Variants in ACBD3 observed in about 807,000 individuals in gnomAD.
ACBD3 encodes Golgi resident protein GCP60.
ACBD3 carries 30 observed loss-of-function variants against 66.9 expected under a neutral mutation model. That is an observed-to-expected ratio of 0.45 (90% CI 0.34 to 0.61). The LOEUF (loss-of-function observed/expected upper bound fraction) is 0.61. ACBD3 is among the 20% of genes least tolerant of loss of function. ACBD3 has a pLI of 0.02. For missense variants in ACBD3, 544 were observed against 664.5 expected (o/e 0.82, Z 1.99); for synonymous variants, 278 against 259.8 (o/e 1.07, Z -0.68).
At chr1:226,170,333 AT>A (rs71574563) in intron 1 of ACBD3, among the ~76,000 whole-genome samples, 73 of 109,802 alleles carry the variant, frequency 6.6e-4, no homozygotes, top group Admixed American at 1.9e-3. Flanking sequence ...AATTTTTTGA[AT>A]TTTTTTTTTT....
intron 1 of ACBD3, among the ~76,000 whole-genome samples, chr1:226,168,533 C>G (rs889262535): frequency 6.6e-6 from 1 of 152,192 alleles, no homozygotes; most frequent in African/African-American, 2.4e-5. Flanking sequence ...CAGTCATGCT[C>G]TGCATAATGG....
At chr1:226,150,152 GGA>G (rs1659542199) in intron 7 of ACBD3, among the ~76,000 whole-genome samples, 1 of 150,030 alleles carries the variant, frequency 6.7e-6, no homozygotes, top group Admixed American at 6.7e-5. Flanking sequence ...TCGAATTCCT[GGA>G]CTCAAGCAAT....
At chr1:226,171,748 G>A (rs1268067684) in intron 1 of ACBD3, among the ~76,000 whole-genome samples, 1 of 151,302 alleles carries the variant, frequency 6.6e-6, no homozygotes, top group East Asian at 2.0e-4. Flanking sequence ...ATGTTGGGTT[G>A]GCCAGGCTGG....
At position 226,186,459 on chromosome 1, in the gene ACBD3, GCGCCTCCTCCGCCGCGCCCCCAGCCGC is replaced by G. The variant is rs1656313325; in HGVS notation, c.190_216del (p.Ala64_Ala72del). On this transcript the variant is annotated inframe_deletion, in exon 1 of 8. Transcript: ENST00000366812. ...AAACCCCAGCGCTGCTCCAGCCGCC[GCGCCTCCTCCGCCGCGCCCCCAGCCGC>G]CGCCTCCCCGGGCTCGGGCTGCTCC... is the stretch of plus-strand genomic sequence containing the variant. The G allele has an allele frequency of 1.3e-6, 2 of 1,504,562 alleles. No homozygotes were observed. The highest frequency in any genetic ancestry group is 1.8e-6 in the Non-Finnish European group (2 of 1,129,424). 93.2% of individuals were successfully genotyped at this position (1,504,562 alleles called of 1,614,324 possible).
intron 1 of ACBD3, among the ~76,000 whole-genome samples, chr1:226,173,752 C>CTTTTTTTTTTTT (rs1655923703): frequency 1.8e-5 from 2 of 112,976 alleles, no homozygotes; most frequent in African/African-American, 7.2e-5. Context: ...CTTTTTTTTT[C>CTTTTTTTTTTTT]TTTTCTTTTT....
At chr1:226,154,182 G>A (rs528102185) in intron 6 of ACBD3, among the ~76,000 whole-genome samples, 1 of 152,174 alleles carries the variant, frequency 6.6e-6, no homozygotes, top group East Asian at 1.9e-4. Flanking sequence ...AATGTTTATT[G>A]TTATTTCAAG....
rs140236532 is a variant in ACBD3, at chr1:226,162,620, G to A, written c.570-931C>T. Among the ~76,000 whole-genome samples the A allele has an allele frequency of 7.1e-3, 1,081 of 152,160 alleles. 10 individuals carry two copies. Among genetic ancestry groups the A allele is most frequent in the Non-Finnish European group, 0.011 (758 of 68,006 alleles). On this transcript the variant is annotated intron_variant, in intron 3 of 7. Coordinates refer to ENST00000366812, the MANE Select transcript of ACBD3 (RefSeq NM_022735.4). ...GTCTGAGAGTGGTATGGTGTTCAGG[G>A]AGCCTGCAGACAGGATGAAAGGGAA...
At chr1:226,169,377 A>G (rs1558128712) in intron 1 of ACBD3, among the ~76,000 whole-genome samples, 1 of 151,850 alleles carries the variant, frequency 6.6e-6, no homozygotes, top group African/African-American at 2.4e-5. Flanking sequence ...CCTCCCGAGT[A>G]GCTGGGACTA....
chr1:226,150,419 C>T (rs1360382637), intron 7 of ACBD3, among the ~76,000 whole-genome samples: 3 of 152,110 alleles, frequency 2.0e-5, no homozygotes, highest in Admixed American at 2.0e-4. Context: ...CGCTCTGTTG[C>T]CCAGGCTGGA....
chr1:226,170,073 A>G (rs563342253), intron 1 of ACBD3, among the ~76,000 whole-genome samples: 73 of 149,538 alleles, frequency 4.9e-4, no homozygotes, highest in Non-Finnish European at 9.3e-4. Context: ...TCTTGAGCCT[A>G]TAAAAGAACA....
At chr1:226,181,899 G>A (rs1656177909) in intron 1 of ACBD3, among the ~76,000 whole-genome samples, 1 of 152,122 alleles carries the variant, frequency 6.6e-6, no homozygotes, top group South Asian at 2.1e-4. Context: ...TTAACCCATG[G>A]AGATAAGAAA....
intron 1 of ACBD3, among the ~76,000 whole-genome samples, chr1:226,168,932 G>A (rs746195662): frequency 6.6e-6 from 1 of 151,888 alleles, no homozygotes; most frequent in Non-Finnish European, 1.5e-5. Context: ...GCACAATCTC[G>A]ACTCACTGCA....
chr1:226,149,276 G>A (rs969035563), intron 7 of ACBD3, among the ~76,000 whole-genome samples: 1 of 151,420 alleles, frequency 6.6e-6, no homozygotes, highest in Non-Finnish European at 1.5e-5. Context: ...GCCCAGGCTG[G>A]AGTGCAATGG....
rs1659840597 is a variant in ACBD3, at chr1:226,164,774, GC to G, written c.569+14del. The G allele has an allele frequency of 6.2e-7, 1 of 1,605,490 alleles. No individual in the cohort carries two copies. Among genetic ancestry groups the G allele is most frequent in the Non-Finnish European group, 8.5e-7 (1 of 1,176,194 alleles). On this transcript the variant is annotated intron_variant, in intron 3 of 7. Transcript: ENST00000366812. Reference sequence around the variant, plus strand: ...GCTGCGCAGCAATAAAGTATTCCATGCCCTCAAACTTCACCTTTTTTTTTCT... The same window carrying G: ...GCTGCGCAGCAATAAAGTATTCCATGCCTCAAACTTCACCTTTTTTTTTCT...
intron 5 of ACBD3, 29 bp from the exon 6 acceptor site, chr1:226,154,862 C>A: frequency 6.4e-7 from 1 of 1,574,796 alleles, no homozygotes. Context: ...TGAAGACACA[C>A]TGACCAGGAA....
intron 7 of ACBD3, 91 bp from the exon 8 acceptor site, chr1:226,146,912 GAC>G (rs1160840310): frequency 1.6e-6 from 2 of 1,284,718 alleles, no homozygotes; most frequent in Admixed American, 1.8e-5. Context: ...TTTTTCTGGA[GAC>G]AGAGTCTTGC....
rs1360012349 is a variant in ACBD3, at chr1:226,146,456, G to A, written c.*154C>T. ...AAGTATGAATGCTAAAGAGTCTCAA[G>A]GAAATTTTGATTCCCAGCAAGAGTT... is the stretch of plus-strand genomic sequence containing the variant. On this transcript the variant is annotated 3_prime_UTR_variant, in exon 8 of 8. Transcript: ENST00000366812. 4.5e-6 allele frequency: 3 copies of A among 668,592 alleles called. No homozygotes were observed. Among genetic ancestry groups the A allele is most frequent in the Non-Finnish European group, 7.5e-6 (3 of 400,094 alleles). The allele number at this position is 668,592 out of a possible 1,614,324, so 41.4% of individuals were successfully genotyped here. A position where few individuals can be genotyped will look rare whatever the true frequency, so the allele number is the denominator to read the frequency against.
chr1:226,149,876 G>A (rs1399308679), intron 7 of ACBD3, among the ~76,000 whole-genome samples: 1 of 151,636 alleles, frequency 6.6e-6, no homozygotes, highest in Non-Finnish European at 1.5e-5. Context: ...TAATTTGTAT[G>A]CATACAAAAA....
chr1:226,177,431 G>A lies in ACBD3; in HGVS notation c.286+8959C>T, dbSNP rs966152249. 5.3e-5 allele frequency among the ~76,000 whole-genome samples: 8 copies of A among 149,880 alleles called. No individual in the cohort carries two copies. The East Asian group carries it at 5.9e-4, about 11-fold the overall frequency. ...AGGATGGTCTCCATCTCCTGAACTCGTAGATCCGCCTGCCTCAGCCTCCCA... is the reference window on the plus strand; with the variant it reads ...AGGATGGTCTCCATCTCCTGAACTCATAGATCCGCCTGCCTCAGCCTCCCA... On this transcript the variant is annotated intron_variant, in intron 1 of 7. Coordinates refer to ENST00000366812, the MANE Select transcript of ACBD3 (RefSeq NM_022735.4).
Sources: gnomAD v4.1 joint callset for allele counts (sites outside exome capture counted in the v4.1 genomes callset) on GRCh38, gnomAD v4.1.1 for gene constraint, MANE v1.5 for transcripts, NCBI Gene and HGNC (gene_info 2026-07-23, HGNC 2026-07-21) for gene names.